The following EXOC6B variants were observed in gnomAD, a reference collection of about 807,000 sequenced individuals.
EXOC6B encodes the protein exocyst complex component 6B.
Under a neutral mutation model 113.5 loss-of-function variants are expected in EXOC6B, and 54 were observed. The ratio of observed to expected loss-of-function variants is 0.48; its 90% CI spans 0.38 to 0.60. EXOC6B has a LOEUF of 0.60. Ranked by LOEUF, EXOC6B falls within the 20% of genes least tolerant of loss-of-function variation. EXOC6B has a pLI of 0.00. For synonymous variants in EXOC6B, 357 were observed against 339.0 expected, an observed-to-expected ratio of 1.05 and a Z score of -0.58; for missense variants, 797 against 977.5, an observed-to-expected ratio of 0.82 and a Z score of 2.46.
At chr2:72,812,562 G>T (rs976892693) in intron 1 of EXOC6B, among the ~76,000 whole-genome samples, 1 of 152,222 alleles carries the variant, frequency 6.6e-6, no homozygotes, top group African/African-American at 2.4e-5. Flanking sequence ...ACTGTGGCTT[G>T]TGTGTGTAAT....
intron 1 of EXOC6B, among the ~76,000 whole-genome samples, chr2:72,783,555 C>T (rs1384357346): frequency 6.6e-6 from 1 of 151,922 alleles, no homozygotes; most frequent in Non-Finnish European, 1.5e-5. Flanking sequence ...AACTCCTGAC[C>T]TCGTGATCTG....
At chr2:72,263,318 C>T (rs1683854023) in intron 20 of EXOC6B, 1 of 152,396 alleles carries the variant, frequency 6.6e-6, no homozygotes, top group East Asian at 1.9e-4. Flanking sequence ...TGGGATGAGA[C>T]TACGCTCCAT....
At chr2:72,734,712 G>C (rs984540109) in intron 2 of EXOC6B, among the ~76,000 whole-genome samples, 1 of 152,190 alleles carries the variant, frequency 6.6e-6, no homozygotes, top group African/African-American at 2.4e-5. Flanking sequence ...TGGTAAGGTA[G>C]TAATACCACA....
intron 6 of EXOC6B, among the ~76,000 whole-genome samples, chr2:72,591,886 C>T (rs531852488): frequency 2.9e-4 from 44 of 151,408 alleles, no homozygotes; most frequent in Non-Finnish European, 5.6e-4. Flanking sequence ...AATCATATCA[C>T]GAAAAAGAAT....
intron 1 of EXOC6B, among the ~76,000 whole-genome samples, chr2:72,793,830 A>T (rs1313449652): frequency 6.6e-6 from 1 of 152,186 alleles, no homozygotes; most frequent in Non-Finnish European, 1.5e-5. Flanking sequence ...CTAAGAAAAG[A>T]GGATGCCAAA....
chr2:72,386,161 C>T (rs531207294), intron 18 of EXOC6B, among the ~76,000 whole-genome samples: 5 of 151,754 alleles, frequency 3.3e-5, no homozygotes, highest in South Asian at 4.2e-4. Context: ...TATATATACA[C>T]ACACACATAC....
intron 18 of EXOC6B, among the ~76,000 whole-genome samples, chr2:72,430,074 A>G (rs564941939): frequency 1.4e-4 from 22 of 152,346 alleles, no homozygotes; most frequent in African/African-American, 5.0e-4. Context: ...AAATTTTGAA[A>G]GAACGTAATA....
intron 20 of EXOC6B, among the ~76,000 whole-genome samples, chr2:72,290,142 G>A (rs1317404285): frequency 6.6e-6 from 1 of 152,176 alleles, no homozygotes; most frequent in Admixed American, 6.5e-5. Context: ...AACTTGAACT[G>A]TAATTATATC....
chr2:72,819,764 A>G (rs1171548511), intron 1 of EXOC6B, among the ~76,000 whole-genome samples: 1 of 151,696 alleles, frequency 6.6e-6, no homozygotes. Context: ...GAAAAGAAAA[A>G]AGAGAGAGAG....
intron 20 of EXOC6B, among the ~76,000 whole-genome samples, chr2:72,217,030 A>G (rs1680581664): frequency 7.6e-6 from 1 of 131,180 alleles, no homozygotes; most frequent in African/African-American, 3.2e-5. Context: ...GGGCGACTCC[A>G]TATCAAAAAA....
At chr2:72,356,524 C>T (rs1361808691) in intron 19 of EXOC6B, among the ~76,000 whole-genome samples, 2 of 152,130 alleles carry the variant, frequency 1.3e-5, no homozygotes, top group African/African-American at 4.8e-5. Context: ...GTCTGGGCAA[C>T]ATAGCAAGAT....
intron 6 of EXOC6B, among the ~76,000 whole-genome samples, chr2:72,577,571 CA>C (rs149172482): frequency 0.2 from 30,894 of 151,614 alleles, 5,013 homozygotes; most frequent in African/African-American, 0.45. Flanking sequence ...GTCAGTGTTT[CA>C]AAAGCAATGA....
chr2:72,362,313 T>G (rs1318481972), intron 19 of EXOC6B, among the ~76,000 whole-genome samples: 1 of 152,108 alleles, frequency 6.6e-6, no homozygotes, highest in Non-Finnish European at 1.5e-5. Flanking sequence ...TGTCCTGGAT[T>G]TGGTTTAATT....
intron 6 of EXOC6B, among the ~76,000 whole-genome samples, chr2:72,714,456 C>T (rs539234388): frequency 9.2e-5 from 14 of 152,286 alleles, no homozygotes; most frequent in African/African-American, 3.4e-4. Context: ...CTGGTATTCG[C>T]TTTCTGCTTT....
intron 20 of EXOC6B, among the ~76,000 whole-genome samples, chr2:72,218,834 TG>T (rs1680691991): frequency 6.6e-6 from 1 of 151,992 alleles, no homozygotes; most frequent in African/African-American, 2.4e-5. Flanking sequence ...AACTAATTTT[TG>T]TATTTTTAGT....
intron 7 of EXOC6B, among the ~76,000 whole-genome samples, chr2:72,574,795 A>C (rs1704731929): frequency 6.6e-6 from 1 of 152,234 alleles, no homozygotes; most frequent in African/African-American, 2.4e-5. Context: ...CAAATGATAA[A>C]TATTTAGAAA....
At chr2:72,207,217 T>G (rs1012521409) in intron 20 of EXOC6B, among the ~76,000 whole-genome samples, 1 of 152,234 alleles carries the variant, frequency 6.6e-6, no homozygotes, top group Non-Finnish European at 1.5e-5. Context: ...TTTTGAGATT[T>G]TTCCCCAATC....
intron 1 of EXOC6B, among the ~76,000 whole-genome samples, chr2:72,803,905 CA>C (rs1436999304): frequency 3.3e-5 from 5 of 152,148 alleles, no homozygotes; most frequent in African/African-American, 1.2e-4. Context: ...CACAACTGTA[CA>C]AAGAAACCAT....
At chr2:72,727,688 T>A (rs998041855) in intron 5 of EXOC6B, among the ~76,000 whole-genome samples, 1 of 152,132 alleles carries the variant, frequency 6.6e-6, no homozygotes, top group Non-Finnish European at 1.5e-5. Context: ...CAACTTACTT[T>A]CAACTGGTTC....
Sources: allele counts gnomAD v4.1 joint callset (sites outside exome capture counted in the v4.1 genomes callset), GRCh38; gene constraint gnomAD v4.1.1; transcripts MANE v1.5; gene names NCBI Gene and HGNC (gene_info 2026-07-23, HGNC 2026-07-21).